Variants in ESR1 observed in about 807,000 individuals in gnomAD.
ESR1 encodes estrogen receptor 1.
Under a neutral mutation model 52.7 loss-of-function variants are expected in ESR1, and 12 were observed. The ratio of observed to expected loss-of-function variants is 0.23; its 90% CI spans 0.15 to 0.37. The LOEUF is 0.37. Among genes scored for constraint, ESR1 ranks in the 10% least tolerant of loss-of-function variants. ESR1 has a pLI of 1.00. For synonymous variants in ESR1, 305 were observed against 316.8 expected (o/e 0.96, Z 0.39); for missense variants, 584 against 779.7 (o/e 0.75, Z 2.99).
chr6:151,957,312 C>G (rs1016825733), intron 4 of ESR1, among the ~76,000 whole-genome samples: 2 of 151,984 alleles, frequency 1.3e-5, no homozygotes, highest in Admixed American at 6.5e-5. Context: ...TTAATTTGAG[C>G]CTAATTTTTT....
intron 2 of ESR1, among the ~76,000 whole-genome samples, chr6:151,762,331 A>G (rs1784720527): frequency 6.6e-6 from 1 of 152,192 alleles, no homozygotes; most frequent in Admixed American, 6.5e-5. Flanking sequence ...CTTGTAGTAA[A>G]ACAGCATGGT....
intron 6 of ESR1, among the ~76,000 whole-genome samples, chr6:152,124,928 G>A (rs1165653608): frequency 2.0e-5 from 3 of 152,110 alleles, no homozygotes; most frequent in Non-Finnish European, 4.4e-5. Context: ...CATTTATGTT[G>A]GGTTCTGTCA....
upstream of ESR1, among the ~76,000 whole-genome samples, chr6:151,688,703 C>T (rs1210380516): frequency 6.6e-6 from 1 of 151,878 alleles, no homozygotes; most frequent in East Asian, 1.9e-4. Context: ...ATTCTCTAAA[C>T]AATATAGTAT....
chr6:151,811,057 C>A (rs1043583404), intron 1 of ESR1: 1 of 152,198 alleles, frequency 6.6e-6, no homozygotes, highest in Non-Finnish European at 1.5e-5. Context: ...ACTGGATGTT[C>A]AGAGAATTTA....
intron 2 of ESR1, among the ~76,000 whole-genome samples, chr6:151,711,869 A>G (rs1780640085): frequency 6.6e-6 from 1 of 152,040 alleles, no homozygotes; most frequent in South Asian, 2.1e-4. Flanking sequence ...CCATTCGTCA[A>G]TTTTGCCTTT....
At chr6:151,920,615 CTT>C (rs1288261559) in intron 3 of ESR1, among the ~76,000 whole-genome samples, 1 of 152,060 alleles carries the variant, frequency 6.6e-6, no homozygotes, top group East Asian at 1.9e-4. Flanking sequence ...GTTTCTGAGA[CTT>C]TCATTGTTTT....
intron 3 of ESR1, among the ~76,000 whole-genome samples, chr6:151,886,896 C>G (rs1793940010): frequency 6.6e-6 from 1 of 152,050 alleles, no homozygotes. Context: ...CAAAAATTAG[C>G]TGGGTGTAGT....
intron 6 of ESR1, chr6:152,112,650 C>T (rs2051158589): frequency 6.6e-6 from 1 of 152,248 alleles, no homozygotes; most frequent in Non-Finnish European, 1.5e-5. Context: ...CCTATGTGCT[C>T]TCCTTGCCGG....
intron 1 of ESR1, among the ~76,000 whole-genome samples, chr6:151,815,035 T>G (rs1456926145): frequency 1.3e-5 from 2 of 152,244 alleles, no homozygotes; most frequent in Non-Finnish European, 2.9e-5. Context: ...TTCAGTGCAT[T>G]CATGATTAAT....
At chr6:152,001,361 G>T (rs187617987) in intron 4 of ESR1, among the ~76,000 whole-genome samples, 36 of 152,118 alleles carry the variant, frequency 2.4e-4, no homozygotes, top group African/African-American at 7.5e-4. Context: ...GAAAGAAAGG[G>T]GACGAAAGGG....
In ESR1 at chr6:151,714,664, C is replaced by CT. The variant is rs975405172; in HGVS notation, c.-71+12668dup. ...TCAGAGACTAGGACTGCAACCCCTG[C>CT]TTTTTTTTTGCTCTCCATTTGCTTG... On this transcript the variant is annotated intron_variant, in intron 2 of 2. Coordinates refer to the ESR1 transcript ENST00000404742. Among the ~76,000 whole-genome samples the CT allele has an allele frequency of 5.0e-4, 75 of 150,936 alleles. 1 individual carries two copies. In the South Asian group the frequency reaches 7.6e-3, roughly 15 times the overall value.
intron 3 of ESR1, among the ~76,000 whole-genome samples, chr6:151,885,698 C>T (rs542196985): frequency 7.9e-5 from 12 of 152,104 alleles, no homozygotes; most frequent in Non-Finnish European, 1.3e-4. Context: ...AACCTCGTCT[C>T]TACAAAATTA....
At chr6:152,122,802 GC>G in intron 6 of ESR1, 2 of 1,464,092 alleles carry the variant, frequency 1.4e-6, no homozygotes, top group African/African-American at 1.4e-5. Flanking sequence ...GCGATCAGCT[GC>G]CAGCCTTCCA....
intron 4 of ESR1, among the ~76,000 whole-genome samples, chr6:151,992,042 A>G (rs1448054088): frequency 4.6e-5 from 7 of 152,132 alleles, no homozygotes; most frequent in Admixed American, 4.6e-4. Context: ...GTATTACTGC[A>G]TCTGCCATTT....
upstream of ESR1, among the ~76,000 whole-genome samples, chr6:151,802,161 A>G (rs994354317): frequency 1.3e-5 from 2 of 152,210 alleles, no homozygotes; most frequent in Non-Finnish European, 2.9e-5. Flanking sequence ...TTTTGCCTCA[A>G]GAAACAAAAA....
chr6:151,692,428 A>T (rs949769956), intron 1 of ESR1, among the ~76,000 whole-genome samples: 5 of 152,148 alleles, frequency 3.3e-5, no homozygotes, highest in African/African-American at 1.2e-4. Context: ...TGAATAGGGA[A>T]CAGCTGTGCT....
rs9341040 is a variant in ESR1, at chr6:152,088,632, G to A, written c.1370-5753G>A. The stretch of plus-strand genomic sequence containing the variant: ...TATAAGAGAAGGAAGAGAGACCTGC[G>A]CTAGCACACTCAGCCTCCTTGCCAT... On this transcript the variant is annotated intron_variant, in intron 6 of 7. Transcript: ENST00000206249. Among the ~76,000 whole-genome samples the A allele has an allele frequency of 1.8e-4, 27 of 152,258 alleles. No individual in the cohort carries two copies. The South Asian group carries it at 2.5e-3, about 14-fold the overall frequency.
intron 4 of ESR1, among the ~76,000 whole-genome samples, chr6:152,008,024 A>G (rs774693020): frequency 2.0e-5 from 3 of 152,116 alleles, no homozygotes; most frequent in Non-Finnish European, 4.4e-5. Flanking sequence ...TTGGCCCAAT[A>G]TAATTTTGCA....
chr6:152,122,477 G>T, intron 6 of ESR1: 3 of 1,614,192 alleles, frequency 1.9e-6, no homozygotes, highest in South Asian at 1.1e-5. Flanking sequence ...AGCATGGGGT[G>T]GAATGACCGG....
Sources: gnomAD v4.1 joint callset for allele counts (sites outside exome capture counted in the v4.1 genomes callset) on GRCh38, gnomAD v4.1.1 for gene constraint, MANE v1.5 for transcripts, NCBI Gene and HGNC (gene_info 2026-07-23, HGNC 2026-07-21) for gene names.